Variants in TMEM117 observed in about 807,000 individuals in gnomAD.
TMEM117 encodes the protein transmembrane protein 117.
Under a neutral mutation model 52.4 loss-of-function variants are expected in TMEM117, and 27 were observed. The ratio of observed to expected loss-of-function variants is 0.51; its 90% CI spans 0.38 to 0.71. The LOEUF is 0.71. TMEM117 is among the 30% of genes least tolerant of loss of function. TMEM117 has a pLI of 0.00. For synonymous variants in TMEM117, 215 were observed against 206.3 expected, an observed-to-expected ratio of 1.04 and a Z score of -0.36; for missense variants, 556 against 630.5, an observed-to-expected ratio of 0.88 and a Z score of 1.26.
intron 2 of TMEM117, among the ~76,000 whole-genome samples, chr12:43,902,253 A>G (rs2137507804): frequency 6.6e-6 from 1 of 152,326 alleles, no homozygotes; most frequent in Non-Finnish European, 1.5e-5. Context: ...ACACTGGGGG[A>G]AAGATTATTT....
intron 3 of TMEM117, among the ~76,000 whole-genome samples, chr12:43,959,054 G>A (rs573206869): frequency 1.7e-4 from 26 of 152,184 alleles, no homozygotes; most frequent in African/African-American, 5.8e-4. Flanking sequence ...TGATCCGCCC[G>A]CCTTGGCCTC....
At chr12:43,814,870 G>A in the TMEM117 span, among the ~76,000 whole-genome samples, 25 of 150,826 alleles carry the variant, frequency 1.7e-4, no homozygotes, top group African/African-American at 5.6e-4. Context: ...TCAGCCTCTC[G>A]AGTAGCTGGG....
At chr12:44,387,898 AT>A in intron 7 of TMEM117, 127 bp from the exon 8 acceptor site, 1 of 891,058 alleles carries the variant, frequency 1.1e-6, no homozygotes, top group Non-Finnish European at 1.7e-6. Flanking sequence ...CTCTCAAAAT[AT>A]TAATTGTTAA....
the TMEM117 span, among the ~76,000 whole-genome samples, chr12:43,818,737 C>A: frequency 2.6e-5 from 4 of 152,182 alleles, no homozygotes; most frequent in Non-Finnish European, 5.9e-5. Flanking sequence ...GCCACCGCAC[C>A]TGGCCTGTAT....
chr12:44,151,406 C>T (rs559244082), intron 4 of TMEM117, among the ~76,000 whole-genome samples: 6 of 150,000 alleles, frequency 4.0e-5, no homozygotes, highest in Admixed American at 1.3e-4. Flanking sequence ...ATGTGCACAA[C>T]GTGCAGGTTT....
chr12:44,348,015 A>T (rs148944412), intron 6 of TMEM117, among the ~76,000 whole-genome samples: 1 of 152,150 alleles, frequency 6.6e-6, no homozygotes, highest in East Asian at 1.9e-4. Context: ...CCAATGGAGT[A>T]ATGGAAACTA....
At chr12:43,986,419 C>T (rs1031959417) in intron 3 of TMEM117, among the ~76,000 whole-genome samples, 5 of 151,996 alleles carry the variant, frequency 3.3e-5, no homozygotes, top group African/African-American at 1.2e-4. Flanking sequence ...CTATTATTTT[C>T]CATCAGCACT....
At chr12:43,997,615 C>G (rs1012211722) in intron 3 of TMEM117, among the ~76,000 whole-genome samples, 2 of 152,174 alleles carry the variant, frequency 1.3e-5, no homozygotes, top group Non-Finnish European at 2.9e-5. Context: ...TATATAGAAT[C>G]TGTAATTTCT....
chr12:44,299,743 A>G lies in TMEM117; in HGVS notation c.768+4A>G. ...TGACCTTCTTATTGTGATGCAGGTA[A>G]GTGTATTTCCCTCCCCTCAGTGAAG... On this transcript the variant is annotated splice_donor_region_variant and intron_variant, in intron 6 of 7. Transcript: ENST00000266534. The G allele has an allele frequency of 6.2e-7, 1 of 1,613,980 alleles. No individual in the cohort carries two copies. The highest frequency in any genetic ancestry group is 1.1e-5 in the South Asian group (1 of 91,080).
intron 5 of TMEM117, among the ~76,000 whole-genome samples, chr12:44,290,338 A>G (rs1029413349): frequency 6.6e-6 from 1 of 151,986 alleles, no homozygotes; most frequent in Non-Finnish European, 1.5e-5. Context: ...TTCTTATAAG[A>G]GTTTTATGAT....
chr12:43,951,424 C>T (rs766585628), intron 3 of TMEM117, among the ~76,000 whole-genome samples: 4 of 152,174 alleles, frequency 2.6e-5, no homozygotes, highest in South Asian at 2.1e-4. Context: ...ACAGCAGTCT[C>T]GAATCTGCCT....
chr12:43,824,492 T>C, the TMEM117 span, among the ~76,000 whole-genome samples: 8 of 152,322 alleles, frequency 5.3e-5, 1 homozygote, highest in African/African-American at 1.9e-4. Context: ...AAATGGGCTC[T>C]AGGAGAGGAT....
At chr12:43,970,982 A>G (rs960749951) in intron 3 of TMEM117, among the ~76,000 whole-genome samples, 11 of 152,266 alleles carry the variant, frequency 7.2e-5, no homozygotes, top group Admixed American at 5.2e-4. Flanking sequence ...ATAGTCTAAA[A>G]TTGAACTCTT....
At chr12:44,268,962 C>G (rs1950413997) in intron 5 of TMEM117, among the ~76,000 whole-genome samples, 1 of 152,056 alleles carries the variant, frequency 6.6e-6, no homozygotes, top group Admixed American at 6.6e-5. Flanking sequence ...TTAGTTTTAC[C>G]AACCTTACAT....
chr12:44,266,188 C>T (rs1188436993), intron 5 of TMEM117, among the ~76,000 whole-genome samples: 2 of 152,114 alleles, frequency 1.3e-5, no homozygotes, highest in Non-Finnish European at 2.9e-5. Flanking sequence ...TAACATTTAA[C>T]ATTTTGAAGA....
intron 3 of TMEM117, among the ~76,000 whole-genome samples, chr12:44,139,023 T>C (rs1488884092): frequency 2.0e-5 from 3 of 152,192 alleles, no homozygotes; most frequent in African/African-American, 7.2e-5. Flanking sequence ...GTGTGTTTAA[T>C]GCAGACCTGT....
At chr12:44,157,155 A>C (rs1163221364) in intron 4 of TMEM117, among the ~76,000 whole-genome samples, 1 of 152,196 alleles carries the variant, frequency 6.6e-6, no homozygotes, top group Non-Finnish European at 1.5e-5. Context: ...TGTCATCTAC[A>C]TAAACTTTCT....
At chr12:44,301,820 G>C (rs1204347588) in intron 6 of TMEM117, among the ~76,000 whole-genome samples, 3 of 152,148 alleles carry the variant, frequency 2.0e-5, no homozygotes, top group African/African-American at 7.2e-5. Flanking sequence ...CTAGCTGTCA[G>C]GCCTGATTCC....
At chr12:44,115,539 G>T (rs1193979268) in intron 3 of TMEM117, among the ~76,000 whole-genome samples, 1 of 147,702 alleles carries the variant, frequency 6.8e-6, no homozygotes, top group Non-Finnish European at 1.5e-5. Context: ...AATAGTATGG[G>T]ATTTTTTTTT....
Sources: allele counts gnomAD v4.1 joint callset (sites outside exome capture counted in the v4.1 genomes callset), GRCh38; gene constraint gnomAD v4.1.1; transcripts MANE v1.5; gene names NCBI Gene and HGNC (gene_info 2026-07-23, HGNC 2026-07-21).